The following COPS4 variants were observed in gnomAD, a reference collection of about 807,000 sequenced individuals.
COPS4 encodes COP9 signalosome subunit 4.
A neutral mutation model predicts 55.1 loss-of-function variants in COPS4; 8 were observed. The ratio of observed to expected loss-of-function variants is 0.15; its 90% CI spans 0.09 to 0.26. The LOEUF (loss-of-function observed/expected upper bound fraction) is 0.26. Ranked by LOEUF, COPS4 falls within the 10% of genes least tolerant of loss-of-function variation. COPS4 has a pLI of 1.00. For synonymous variants in COPS4, 185 were observed against 165.7 expected (o/e 1.12, Z -0.90); for missense variants, 248 against 484.0 (o/e 0.51, Z 4.58).
chr4:83,041,612 T>C (rs4693551), intron 1 of COPS4, among the ~76,000 whole-genome samples: 150,595 of 152,074 alleles, frequency 0.99, 74,577 homozygotes, highest in Middle Eastern at 1. Context: ...GACTTACAGT[T>C]GTGCACCATC....
chr4:83,046,229 T>G (rs1399028696), intron 2 of COPS4, among the ~76,000 whole-genome samples: 1 of 152,220 alleles, frequency 6.6e-6, no homozygotes, highest in Non-Finnish European at 1.5e-5. Flanking sequence ...CAAATCAATG[T>G]GGGATGCCAT....
chr4:83,059,639 AT>A (rs1255527288), intron 6 of COPS4, among the ~76,000 whole-genome samples: 2 of 151,574 alleles, frequency 1.3e-5, no homozygotes, highest in African/African-American at 4.8e-5. Context: ...TATGTTTAAA[AT>A]TTTTTTTCAA....
At chr4:83,040,584 GC>G (rs1730537020) in intron 1 of COPS4, among the ~76,000 whole-genome samples, 1 of 151,968 alleles carries the variant, frequency 6.6e-6, no homozygotes, top group Admixed American at 6.6e-5. Flanking sequence ...TTCGCAGTGA[GC>G]CCACCTTCTC....
intron 9 of COPS4, among the ~76,000 whole-genome samples, chr4:83,074,538 C>T (rs1731517971): frequency 6.7e-6 from 1 of 149,686 alleles, no homozygotes; most frequent in Admixed American, 6.7e-5. Flanking sequence ...TCTTGGCTCA[C>T]TGCAACCTCT....
At chr4:83,067,741 A>G (rs1232666622) in intron 8 of COPS4, among the ~76,000 whole-genome samples, 1 of 152,106 alleles carries the variant, frequency 6.6e-6, no homozygotes, top group African/African-American at 2.4e-5. Flanking sequence ...AGGAAGAACA[A>G]TTTGGGAGTC....
intron 6 of COPS4, among the ~76,000 whole-genome samples, chr4:83,058,512 T>C (rs6817506): frequency 1 from 151,943 of 152,360 alleles, 75,763 homozygotes; most frequent in Non-Finnish European, 1. Context: ...AGCCACCACG[T>C]CCATTCCATT....
At position 83,074,009 on chromosome 4, in the gene COPS4, T is replaced by C. The variant is rs545467257; in HGVS notation, c.1088-1288T>C. On this transcript the variant is annotated intron_variant, in intron 9 of 9. Coordinates refer to ENST00000264389, the MANE Select transcript of COPS4 (RefSeq NM_016129.3). ...CTTTTTCACTAAATATGTGCCCTTT[T>C]TTGTAAATTTTGGTACTGTTTTGAA... Among the ~76,000 whole-genome samples, 3 of 152,334 alleles carry C rather than the reference T, an allele frequency of 2.0e-5. No individual in the cohort carries two copies. The South Asian group carries it at 6.2e-4, about 32-fold the overall frequency.
intron 1 of COPS4, among the ~76,000 whole-genome samples, chr4:83,042,914 ATTT>A (rs761199795): frequency 1.5e-5 from 2 of 133,282 alleles, no homozygotes; most frequent in Non-Finnish European, 1.6e-5. Context: ...CAATTTTTGT[ATTT>A]TTTTTTTTTT....
In COPS4 at chr4:83,049,189, G is replaced by A. The variant is rs768988116; in HGVS notation, c.178G>A (p.Val60Met). Residue 60 changes from valine to methionine, a missense_variant, in exon 3 of 10, where the codon GTG (valine) becomes ATG (methionine). This residue lies in a region of COPS4 where 155 missense variants were observed against 326.6 expected (regional missense o/e 0.47). Transcript: ENST00000264389. ...AGTGGTAAATGAGAATGTCAGTCTC[G>A]TGATCTCGCGGCAGTTGCTGACTGA... The part of the protein sequence containing the change: ...EAMVNENVSL[V>M]ISRQLLTDFC... 2 of 1,599,650 alleles carry A rather than the reference G, an allele frequency of 1.3e-6. No individual in the cohort carries two copies. The highest frequency in any genetic ancestry group is 1.7e-5 in the Admixed American group (1 of 57,428).
intron 1 of COPS4, 76 bp from the exon 2 acceptor site, chr4:83,045,550 G>C (rs773521128): frequency 3.5e-6 from 4 of 1,156,080 alleles, no homozygotes; most frequent in Non-Finnish European, 5.2e-6. Flanking sequence ...ATGTAGAAAT[G>C]AATAAATACA....
intron 3 of COPS4, 53 bp downstream of exon 3, chr4:83,049,370 A>C (rs1320185635): frequency 1.1e-5 from 16 of 1,445,838 alleles, no homozygotes; most frequent in Non-Finnish European, 1.5e-5. Context: ...AGTTATTTTG[A>C]GAATCTGATA....
chr4:83,066,570 A>G lies in COPS4; in HGVS notation c.1002+17A>G, dbSNP rs751460044. ...GCAGCTAAGGTATCTTCTTGATTCC[A>G]ATACATTTAAAAAAAAGTTAAGAGA... On this transcript the variant is annotated intron_variant, in intron 8 of 9. Transcript: ENST00000264389. 37 of 1,207,668 alleles carry G rather than the reference A, an allele frequency of 3.1e-5. No individual in the cohort carries two copies. Among genetic ancestry groups the G allele is most frequent in the Non-Finnish European group, 4.3e-5 (36 of 843,804 alleles). The allele number at this position is 1,207,668 out of a possible 1,614,324, so 74.8% of individuals were successfully genotyped here. A position where few individuals can be genotyped will look rare whatever the true frequency, so the allele number is the denominator to read the frequency against.
intron 6 of COPS4, among the ~76,000 whole-genome samples, chr4:83,061,597 T>C (rs2126132863): frequency 6.6e-6 from 1 of 152,370 alleles, no homozygotes; most frequent in African/African-American, 2.4e-5. Context: ...ATAGAACTGC[T>C]ATGAACATTC....
chr4:83,064,093 T>C (rs1255665988), intron 7 of COPS4, among the ~76,000 whole-genome samples: 4 of 152,102 alleles, frequency 2.6e-5, no homozygotes, highest in African/African-American at 4.8e-5. Flanking sequence ...CCCAGCACTT[T>C]GGGAGGCTAA....
At position 83,044,508 on chromosome 4, in the gene COPS4, T is replaced by G. The variant is rs1045358978; in HGVS notation, c.75-1118T>G. Among the ~76,000 whole-genome samples, 12 of 149,354 alleles carry G rather than the reference T, an allele frequency of 8.0e-5. No homozygotes were observed. In the South Asian group the frequency reaches 2.3e-3, roughly 29 times the overall value. ...AAAGATTAGTATAGGCCGGGCACGG[T>G]GGCTAACGCCTGTAATCCCAGCACT... On this transcript the variant is annotated intron_variant, in intron 1 of 9. Coordinates refer to ENST00000264389, the MANE Select transcript of COPS4 (RefSeq NM_016129.3).
intron 7 of COPS4, 126 bp downstream of exon 7, chr4:83,063,372 AT>A (rs1313557163): frequency 3.1e-6 from 2 of 646,374 alleles, no homozygotes; most frequent in African/African-American, 4.0e-5. Context: ...AAAAAGAGGA[AT>A]TGTTTTTATT....
intron 8 of COPS4, among the ~76,000 whole-genome samples, 183 bp from the exon 9 acceptor site, chr4:83,068,255 G>A (rs936509202): frequency 6.6e-6 from 1 of 152,088 alleles, no homozygotes; most frequent in African/African-American, 2.4e-5. Context: ...TTAAAATAAT[G>A]GCTTATGTAC....
At chr4:83,048,622 T>C (rs1730780435) in intron 2 of COPS4, among the ~76,000 whole-genome samples, 1 of 152,146 alleles carries the variant, frequency 6.6e-6, no homozygotes, top group Non-Finnish European at 1.5e-5. Context: ...TTACTGTTTT[T>C]TAAGATTTTT....
chr4:83,063,261 T>C lies in COPS4; in HGVS notation c.886+15T>C. ...TACAGCTGATGGTAATGATCCTGTC[T>C]TATGTGTATATGGTAGTCAATGTTT... On this transcript the variant is annotated intron_variant, in intron 7 of 9. Coordinates refer to ENST00000264389, the MANE Select transcript of COPS4 (RefSeq NM_016129.3). The C allele has an allele frequency of 2.5e-6, 4 of 1,606,926 alleles. No individual in the cohort carries two copies. In the South Asian group the frequency reaches 4.4e-5, roughly 18 times the overall value.
Sources: allele counts gnomAD v4.1 joint callset (sites outside exome capture counted in the v4.1 genomes callset), GRCh38; gene constraint gnomAD v4.1.1; regional missense constraint gnomAD v4.1.1; transcripts MANE v1.5; gene names NCBI Gene and HGNC (gene_info 2026-07-23, HGNC 2026-07-21).